The following IL6R variants were observed in gnomAD, a reference collection of about 807,000 sequenced individuals.
IL6R encodes interleukin-6 receptor subunit alpha.
Under a neutral mutation model 48.3 loss-of-function variants are expected in IL6R, and 38 were observed. That is an observed-to-expected ratio of 0.79 (90% CI 0.61 to 1.03). The LOEUF (loss-of-function observed/expected upper bound fraction) is 1.03. IL6R is among the 50% of genes least tolerant of loss of function. The pLI is 0.00. For missense variants in IL6R, 534 were observed against 618.3 expected (o/e 0.86, Z 1.45); for synonymous variants, 264 against 256.2 (o/e 1.03, Z -0.29).
At chr1:154,447,476 T>TATATACACACATAC (rs1424013885) in intron 6 of IL6R, among the ~76,000 whole-genome samples, 1 of 68,826 alleles carries the variant, frequency 1.5e-5, no homozygotes, top group Non-Finnish European at 2.8e-5. Flanking sequence ...TATATATATA[T>TATATACACACATAC]ACACACACAC....
intron 8 of IL6R, among the ~76,000 whole-genome samples, chr1:154,452,874 G>A (rs1339463909): frequency 6.6e-6 from 1 of 151,396 alleles, no homozygotes; most frequent in East Asian, 2.0e-4. Context: ...TTAGATACAT[G>A]ATAGGCACTC....
intron 1 of IL6R, among the ~76,000 whole-genome samples, chr1:154,407,541 A>G (rs1278659652): frequency 3.3e-5 from 5 of 152,166 alleles, no homozygotes; most frequent in African/African-American, 1.2e-4. Context: ...CCTCTCCCAC[A>G]CCCACACAGA....
intron 6 of IL6R, chr1:154,437,534 C>T (rs1360655766): frequency 2.3e-6 from 1 of 433,844 alleles, no homozygotes; most frequent in Non-Finnish European, 4.7e-6. Flanking sequence ...CCGCCTCAGC[C>T]TCCTAAGTAG....
intron 8 of IL6R, 40 bp downstream of exon 8, chr1:154,450,020 A>T (rs1396015784): frequency 7.6e-7 from 1 of 1,308,336 alleles, no homozygotes; most frequent in African/African-American, 1.5e-5. Context: ...GGTCCGAGGG[A>T]CAGAAGATTT....
intron 9 of IL6R, among the ~76,000 whole-genome samples, chr1:154,456,662 G>C (rs1690907180): frequency 6.6e-6 from 1 of 152,162 alleles, no homozygotes; most frequent in African/African-American, 2.4e-5. Context: ...AACACCTGAG[G>C]ATAGACAAGT....
chr1:154,462,987 A>G (rs1361272891), intron 9 of IL6R, among the ~76,000 whole-genome samples: 1 of 151,484 alleles, frequency 6.6e-6, no homozygotes, highest in Non-Finnish European at 1.5e-5. Flanking sequence ...CTTTTTTAGT[A>G]GAGACAGGGT....
In IL6R at chr1:154,434,551, C is replaced by T. The variant is rs779664192; in HGVS notation, c.491C>T (p.Pro164Leu). Residue 164 changes from proline to leucine, a missense_variant, in exon 4 of 10, where the codon CCG becomes CTG. Transcript: ENST00000368485. ...QNSPAEDFQE[P>L]CQYSQESQKF... The stretch of plus-strand genomic sequence containing the variant: ...AGTCCGGCCGAAGACTTCCAGGAGC[C>T]GTGCCAGTATTCCCAGGAGTCCCAG... 10 of 1,613,832 alleles carry T rather than the reference C, an allele frequency of 6.2e-6. No homozygotes were observed. The highest frequency in any genetic ancestry group is 1.7e-5 in the Admixed American group (1 of 59,988).
rs115321795 is a variant in IL6R, at chr1:154,435,840, G to T, written c.808-129G>T. 7.0e-3 allele frequency: 5,176 copies of T among 744,382 alleles called. 188 individuals are homozygous for T. In the African/African-American group the frequency reaches 0.08, roughly 12 times the overall value. 46.1% of individuals were successfully genotyped at this position (744,382 alleles called of 1,614,324 possible). On this transcript the variant is annotated intron_variant, in intron 5 of 9. Transcript: ENST00000368485. ...CCCCCTCTCTAGCAGAGCCTCTGGG[G>T]TTGTGGGAGCCTCTAGAGGCCTCTG...
chr1:154,445,680 G>A lies in IL6R; in HGVS notation c.950-2445G>A, dbSNP rs181150943. ...CAGGAGAATGGCTTGAACCCAGGAGGCGGAGCTTGCAGTGAGCTGAGTTTG... is the reference window on the plus strand; with the variant it reads ...CAGGAGAATGGCTTGAACCCAGGAGACGGAGCTTGCAGTGAGCTGAGTTTG... On this transcript the variant is annotated intron_variant, in intron 6 of 9. Transcript: ENST00000368485. Among the ~76,000 whole-genome samples the A allele has an allele frequency of 6.2e-3, 949 of 151,888 alleles. 9 individuals are homozygous for A. The highest frequency in any genetic ancestry group is 0.022 in the African/African-American group (904 of 41,370).
chr1:154,417,540 G>T (rs1248487443), intron 1 of IL6R, among the ~76,000 whole-genome samples: 3 of 152,050 alleles, frequency 2.0e-5, no homozygotes, highest in Non-Finnish European at 4.4e-5. Context: ...TGCTCCTGGG[G>T]TTAGGTTTGG....
rs1429735076 is a variant in IL6R at position 154,467,443 on chromosome 1, A to G, written c.*2063A>G. 6.6e-6 allele frequency: 1 copy of G among 152,196 alleles called. No homozygotes were observed. Among genetic ancestry groups the G allele is most frequent in the African/African-American group, 2.4e-5 (1 of 41,426 alleles). The allele number at this position is 152,196 out of a possible 1,614,324, so 9.4% of individuals were successfully genotyped here. A position where few individuals can be genotyped will look rare whatever the true frequency, so the allele number is the denominator to read the frequency against. ...ACTCTACCCTCTTAGAAAAACCACCACCATCACCAGACAGGTGCGAAAGGA... is the reference window on the plus strand; with the variant it reads ...ACTCTACCCTCTTAGAAAAACCACCGCCATCACCAGACAGGTGCGAAAGGA... On this transcript the variant is annotated 3_prime_UTR_variant, in exon 10 of 10. Transcript: ENST00000368485.
At chr1:154,460,489 T>G (rs1415345881) in intron 9 of IL6R, among the ~76,000 whole-genome samples, 1 of 152,176 alleles carries the variant, frequency 6.6e-6, no homozygotes, top group Non-Finnish European at 1.5e-5. Flanking sequence ...TTAAAAAATA[T>G]ATACATACAC....
At chr1:154,446,808 G>A (rs1447426357) in intron 6 of IL6R, among the ~76,000 whole-genome samples, 1 of 152,114 alleles carries the variant, frequency 6.6e-6, no homozygotes, top group Non-Finnish European at 1.5e-5. Context: ...CTCTGGTGAT[G>A]TGTATCTTTC....
intron 1 of IL6R, among the ~76,000 whole-genome samples, chr1:154,410,397 G>T (rs1015970939): frequency 3.3e-5 from 5 of 151,990 alleles, no homozygotes; most frequent in African/African-American, 1.2e-4. Context: ...GACTACAGGC[G>T]TGCACCACCA....
intron 2 of IL6R, 137 bp from the exon 3 acceptor site, chr1:154,430,346 G>A: frequency 1.9e-6 from 2 of 1,048,354 alleles, no homozygotes; most frequent in Non-Finnish European, 2.7e-6. Context: ...AGTGTGGCCA[G>A]GGTCCTGACT....
At chr1:154,460,195 A>G (rs1403241598) in intron 9 of IL6R, among the ~76,000 whole-genome samples, 3 of 152,236 alleles carry the variant, frequency 2.0e-5, no homozygotes, top group East Asian at 1.9e-4. Flanking sequence ...GGTGGAGGTC[A>G]AGGTGCAAAA....
intron 9 of IL6R, among the ~76,000 whole-genome samples, chr1:154,455,875 G>A (rs1378630793): frequency 6.6e-6 from 1 of 151,950 alleles, no homozygotes. Flanking sequence ...TGGCCAAAAT[G>A]ATAAAACCCT....
chr1:154,413,300 AC>A (rs1368155458), intron 1 of IL6R, among the ~76,000 whole-genome samples: 8 of 152,166 alleles, frequency 5.3e-5, no homozygotes, highest in African/African-American at 1.9e-4. Context: ...GTGTCCGGCC[AC>A]CCGGTTACCT....
intron 6 of IL6R, 23 bp downstream of exon 6, chr1:154,436,133 A>G: frequency 6.3e-7 from 1 of 1,577,646 alleles, no homozygotes; most frequent in South Asian, 1.1e-5. Flanking sequence ...GCACTGAGAA[A>G]GGAAGGGATG....
Sources: gnomAD v4.1 joint callset for allele counts (sites outside exome capture counted in the v4.1 genomes callset) on GRCh38, gnomAD v4.1.1 for gene constraint, MANE v1.5 for transcripts, NCBI Gene and HGNC (gene_info 2026-07-23, HGNC 2026-07-21) for gene names.